Variants in CAMTA1 observed in about 807,000 individuals in gnomAD.
CAMTA1 encodes calmodulin-binding transcription activator 1.
Under a neutral mutation model 170.9 loss-of-function variants are expected in CAMTA1, and 27 were observed. The observed-to-expected ratio is 0.16, with a 90% confidence interval of 0.12 to 0.22. The LOEUF (loss-of-function observed/expected upper bound fraction) is 0.22, where lower values mean the gene tolerates loss of function less well. Ranked by LOEUF, CAMTA1 falls within the 10% of genes least tolerant of loss-of-function variation. The probability of loss-of-function intolerance (pLI) is 1.00; values close to 1 mark genes in which losing one functional copy is unlikely to be tolerated. For synonymous variants in CAMTA1, 833 were observed against 891.5 expected, an observed-to-expected ratio of 0.93 and a Z score of 1.17; for missense variants, 1,619 against 2,217.2, an observed-to-expected ratio of 0.73 and a Z score of 5.42.
At chr1:6,830,021 T>C (rs1322988425) in intron 3 of CAMTA1, among the ~76,000 whole-genome samples, 1 of 151,880 alleles carries the variant, frequency 6.6e-6, no homozygotes, top group Non-Finnish European at 1.5e-5. Flanking sequence ...GTTTTGATTC[T>C]TTTTTTATTT....
chr1:7,499,917 G>A (rs1476435483), intron 6 of CAMTA1, among the ~76,000 whole-genome samples: 2 of 146,574 alleles, frequency 1.4e-5, no homozygotes, highest in African/African-American at 2.6e-5. Flanking sequence ...GTGTGTGTGT[G>A]CATGAGTGAG....
chr1:7,208,111 G>C (rs895666823), intron 4 of CAMTA1, among the ~76,000 whole-genome samples: 6 of 152,256 alleles, frequency 3.9e-5, no homozygotes, highest in African/African-American at 1.4e-4. Context: ...GGGGAGCATT[G>C]CAGGTGTAGA....
intron 3 of CAMTA1, among the ~76,000 whole-genome samples, chr1:6,957,573 G>A (rs939904259): frequency 6.6e-6 from 1 of 151,030 alleles, no homozygotes; most frequent in Non-Finnish European, 1.5e-5. Flanking sequence ...GCACTGGCAA[G>A]TCAAGTCTCT....
rs577414316 is a variant in CAMTA1 at position 7,034,931 on chromosome 1, A to T, written c.235-56373A>T. ...TTAAAAAAAATCAGTTGTTTTTTTTAAAATAAAAATTGGCATTCCATGAAA... is the reference window on the plus strand; with the variant it reads ...TTAAAAAAAATCAGTTGTTTTTTTTTAAATAAAAATTGGCATTCCATGAAA... On this transcript the variant is annotated intron_variant, in intron 3 of 22. Coordinates refer to ENST00000303635, the MANE Select transcript of CAMTA1 (RefSeq NM_015215.4). 5.9e-5 allele frequency among the ~76,000 whole-genome samples: 9 copies of T among 152,294 alleles called. No homozygotes were observed. The South Asian group carries it at 1.7e-3, about 28-fold the overall frequency.
chr1:7,557,070 G>C (rs1241468969), intron 6 of CAMTA1, among the ~76,000 whole-genome samples: 1 of 152,122 alleles, frequency 6.6e-6, no homozygotes, highest in East Asian at 1.9e-4. Context: ...CACTTGGGGA[G>C]ACCGAGGCGG....
intron 5 of CAMTA1, among the ~76,000 whole-genome samples, chr1:7,432,380 A>G (rs1473254953): frequency 6.6e-6 from 1 of 152,230 alleles, no homozygotes; most frequent in Non-Finnish European, 1.5e-5. Flanking sequence ...CAGGGAGTTC[A>G]ATCCAGGAGG....
At position 7,624,339 on chromosome 1, in the gene CAMTA1, G is replaced by A. The variant is rs1226283441; in HGVS notation, c.511-16061G>A. Among the ~76,000 whole-genome samples, 3 of 151,808 alleles carry A rather than the reference G, an allele frequency of 2.0e-5. 1 individual carries two copies. The highest frequency in any genetic ancestry group is 4.8e-5 in the African/African-American group (2 of 41,308). On this transcript the variant is annotated intron_variant, in intron 6 of 22. Coordinates refer to ENST00000303635, the MANE Select transcript of CAMTA1 (RefSeq NM_015215.4). ...GTGGGAAAGAGTGCCATCCGCCATG[G>A]TTCCAGTGCAGAATTCCAAGGGCCA...
intron 7 of CAMTA1, among the ~76,000 whole-genome samples, chr1:7,660,358 C>A (rs67749236): frequency 6.6e-6 from 1 of 152,028 alleles, no homozygotes; most frequent in Non-Finnish European, 1.5e-5. Context: ...TGAGCCACTG[C>A]GCCTGGCCTC....
chr1:6,921,927 C>T (rs1682105551), intron 3 of CAMTA1, among the ~76,000 whole-genome samples: 1 of 152,214 alleles, frequency 6.6e-6, no homozygotes, highest in South Asian at 2.1e-4. Context: ...CAAACCATAT[C>T]AGTGGGGCTG....
chr1:7,605,052 G>A (rs1456582690), intron 6 of CAMTA1, among the ~76,000 whole-genome samples: 1 of 152,150 alleles, frequency 6.6e-6, no homozygotes, highest in Admixed American at 6.5e-5. Context: ...TTTTGTCTCA[G>A]AGGAGTACCC....
chr1:7,584,642 G>T (rs1377680968), intron 6 of CAMTA1, among the ~76,000 whole-genome samples: 1 of 152,176 alleles, frequency 6.6e-6, no homozygotes, highest in African/African-American at 2.4e-5. Context: ...AAGAACAGGG[G>T]TTCTGCCCCC....
intron 5 of CAMTA1, among the ~76,000 whole-genome samples, chr1:7,339,106 T>C (rs564431603): frequency 2.6e-5 from 4 of 152,226 alleles, no homozygotes; most frequent in African/African-American, 4.8e-5. Flanking sequence ...TCTTCCAACA[T>C]TGGGGATTAC....
In CAMTA1 at chr1:7,008,157, G is replaced by A. The variant is rs191083705; in HGVS notation, c.235-83147G>A. Among the ~76,000 whole-genome samples, 16 of 152,308 alleles carry A rather than the reference G, an allele frequency of 1.1e-4. No individual in the cohort carries two copies. In the East Asian group the frequency reaches 2.5e-3, roughly 24 times the overall value. On this transcript the variant is annotated intron_variant, in intron 3 of 22. Transcript: ENST00000303635. ...GAAGGGAGGTGGAGCTCGGTTTTCC[G>A]TCTGGGCCTCAGGTGGACTCAGAGG...
chr1:7,083,207 G>C (rs1210751172), intron 3 of CAMTA1, among the ~76,000 whole-genome samples: 1 of 152,178 alleles, frequency 6.6e-6, no homozygotes, highest in Non-Finnish European at 1.5e-5. Flanking sequence ...CAGAAGTCCA[G>C]GCTGTTAGGA....
intron 5 of CAMTA1, among the ~76,000 whole-genome samples, chr1:7,360,400 C>T (rs1011651381): frequency 1.3e-5 from 2 of 152,148 alleles, no homozygotes; most frequent in South Asian, 2.1e-4. Flanking sequence ...AGTGTAAATC[C>T]GAGGAGATGG....
intron 3 of CAMTA1, among the ~76,000 whole-genome samples, chr1:7,089,974 T>C (rs1641264619): frequency 6.6e-6 from 1 of 152,236 alleles, no homozygotes; most frequent in Admixed American, 6.5e-5. Flanking sequence ...TTTCTTCAGC[T>C]GCAGTCAGTG....
rs564210700 is a variant in CAMTA1, at chr1:7,008,121, C to T, written c.235-83183C>T. Among the ~76,000 whole-genome samples the T allele has an allele frequency of 9.2e-5, 14 of 152,216 alleles. No individual in the cohort carries two copies. In the East Asian group the frequency reaches 2.1e-3, roughly 23 times the overall value. On this transcript the variant is annotated intron_variant, in intron 3 of 22. Transcript: ENST00000303635. ...TCATGGCCAGCACTGTCCTGGGCAC[C>T]GTGGGTCGTGGAAGGGAGGTGGAGC...
intron 4 of CAMTA1, among the ~76,000 whole-genome samples, chr1:7,204,096 C>T (rs1256899465): frequency 1.3e-5 from 2 of 152,004 alleles, no homozygotes; most frequent in Non-Finnish European, 2.9e-5. Context: ...CCTCAGCCTC[C>T]CAAAGTGCTG....
At chr1:7,109,096 TAGCAAGAGACTACGAGAGGGTG>T (rs996694301) in intron 4 of CAMTA1, among the ~76,000 whole-genome samples, 1 of 152,232 alleles carries the variant, frequency 6.6e-6, no homozygotes, top group African/African-American at 2.4e-5. Flanking sequence ...CAGAGTGAGT[TAGCAAGAGACTACGAGAGGGTG>T]AGCAAGACAA....
Sources: gnomAD v4.1 joint callset for allele counts (sites outside exome capture counted in the v4.1 genomes callset) on GRCh38, gnomAD v4.1.1 for gene constraint, MANE v1.5 for transcripts, NCBI Gene and HGNC (gene_info 2026-07-23, HGNC 2026-07-21) for gene names.